Variants in SRRM4 observed in about 807,000 individuals in gnomAD.
SRRM4 encodes serine/arginine repetitive matrix 4.
A neutral mutation model predicts 68.9 loss-of-function variants in SRRM4; 33 were observed. The ratio of observed to expected loss-of-function variants is 0.48; its 90% confidence interval spans 0.36 to 0.64. SRRM4 has a LOEUF of 0.64. SRRM4 is among the 30% of genes least tolerant of loss of function. The pLI is 0.00. For missense variants in SRRM4, 817 were observed against 827.1 expected (o/e 0.99, Z 0.15); for synonymous variants, 318 against 318.8 (o/e 1.00, Z 0.03).
At chr12:118,982,680 TTTTTTTTTTTTTTTTC>T in intron 1 of SRRM4, among the ~76,000 whole-genome samples, 2 of 123,778 alleles carry the variant, frequency 1.6e-5, no homozygotes, top group South Asian at 2.6e-4. Context: ...TTTTTTTTTG[TTTTTTTTTTTTTTTTC>T]CAAAAAGAAT....
At chr12:119,116,506 C>A (rs1459763547) in intron 3 of SRRM4, among the ~76,000 whole-genome samples, 5 of 152,114 alleles carry the variant, frequency 3.3e-5, no homozygotes, top group Non-Finnish European at 7.4e-5. Context: ...ACCAGGCAGG[C>A]AGCTGTGAGG....
At chr12:119,148,377 G>C (rs1312532973) in intron 9 of SRRM4, among the ~76,000 whole-genome samples, 2 of 152,204 alleles carry the variant, frequency 1.3e-5, no homozygotes, top group African/African-American at 4.8e-5. Context: ...CAATGTCAGT[G>C]TCTCCAAGAA....
At chr12:118,986,011 G>A (rs953563032) in intron 1 of SRRM4, among the ~76,000 whole-genome samples, 1 of 152,084 alleles carries the variant, frequency 6.6e-6, no homozygotes, top group Admixed American at 6.5e-5. Context: ...TTTCTACGCA[G>A]AATAGACCAG....
At chr12:119,039,273 G>A (rs1245094675) in intron 1 of SRRM4, among the ~76,000 whole-genome samples, 1 of 152,176 alleles carries the variant, frequency 6.6e-6, no homozygotes, top group African/African-American at 2.4e-5. Flanking sequence ...CACCAAGAAA[G>A]CACCATGTAT....
intron 1 of SRRM4, among the ~76,000 whole-genome samples, chr12:119,012,785 T>G (rs572338299): frequency 6.6e-6 from 1 of 152,362 alleles, no homozygotes; most frequent in African/African-American, 2.4e-5. Flanking sequence ...ACTTCTCACT[T>G]GTGCATTTCC....
In SRRM4 at chr12:119,055,834, T is replaced by A. The variant is rs537528868; in HGVS notation, c.132-46402T>A. On this transcript the variant is annotated intron_variant, in intron 1 of 12. Transcript: ENST00000267260. Reference sequence around the variant, plus strand: ...CAACACAGAGGTTATGTCATAAAGTTGTTGGGAGGATATAAGGAGCTAACA... The same window carrying A: ...CAACACAGAGGTTATGTCATAAAGTAGTTGGGAGGATATAAGGAGCTAACA... Among the ~76,000 whole-genome samples, 16 of 152,308 alleles carry A rather than the reference T, an allele frequency of 1.1e-4. No individual in the cohort carries two copies. The East Asian group carries it at 3.1e-3, about 29-fold the overall frequency.
chr12:119,045,648 G>A (rs766928991), intron 1 of SRRM4, among the ~76,000 whole-genome samples: 124 of 152,070 alleles, frequency 8.2e-4, no homozygotes, highest in African/African-American at 2.0e-3. Flanking sequence ...CATCAGCACC[G>A]TGTGACTTTT....
At chr12:119,138,625 C>T (rs1954345675) in intron 8 of SRRM4, among the ~76,000 whole-genome samples, 2 of 152,168 alleles carry the variant, frequency 1.3e-5, no homozygotes, top group Admixed American at 1.3e-4. Context: ...GATTAAGCAT[C>T]CACTGCCCAC....
intron 1 of SRRM4, among the ~76,000 whole-genome samples, chr12:119,047,333 A>AT (rs558907202): frequency 2.6e-5 from 4 of 151,772 alleles, no homozygotes; most frequent in East Asian, 1.9e-4. Context: ...TAACTTTAAA[A>AT]TTTTTTTTTA....
intron 1 of SRRM4, among the ~76,000 whole-genome samples, chr12:118,987,012 G>T (rs1289481439): frequency 2.0e-5 from 3 of 152,124 alleles, no homozygotes; most frequent in Non-Finnish European, 4.4e-5. Context: ...TTAATTGCTT[G>T]TTCCTAAGAC....
chr12:119,006,129 G>A (rs1056397771), intron 1 of SRRM4, among the ~76,000 whole-genome samples: 3 of 152,198 alleles, frequency 2.0e-5, no homozygotes, highest in African/African-American at 7.2e-5. Flanking sequence ...TGGCCCATCT[G>A]TTCTGGGAGC....
In SRRM4 at chr12:118,981,776, T is replaced by A; in HGVS notation, c.-107T>A. ...CGATCTCTCCCACCCCACCCCTCTC[T>A]GGGTTTCACCCGGACAGAGCCGGGA... On this transcript the variant is annotated 5_prime_UTR_variant, in exon 1 of 13. Transcript: ENST00000267260. The A allele has an allele frequency of 4.4e-5, 53 of 1,217,056 alleles. No homozygotes were observed. Among genetic ancestry groups the A allele is most frequent in the Middle Eastern group, 6.2e-4 (2 of 3,208 alleles). 75.4% of individuals were successfully genotyped at this position (1,217,056 alleles called of 1,614,324 possible). A position where few individuals can be genotyped will look rare whatever the true frequency, so the allele number is the denominator to read the frequency against.
intron 1 of SRRM4, among the ~76,000 whole-genome samples, chr12:119,034,654 T>C (rs1021084277): frequency 6.6e-6 from 1 of 152,240 alleles, no homozygotes; most frequent in African/African-American, 2.4e-5. Context: ...TTTGAAGCTG[T>C]GCCATTCAAT....
At position 119,075,932 on chromosome 12, in the gene SRRM4, A is replaced by G. The variant is rs1348940910; in HGVS notation, c.132-26304A>G. 1.3e-3 allele frequency among the ~76,000 whole-genome samples: 170 copies of G among 131,984 alleles called. 1 individual carries two copies. Among genetic ancestry groups the G allele is most frequent in the African/African-American group, 4.9e-3 (161 of 33,124 alleles). 86.6% of individuals were successfully genotyped at this position (131,984 alleles called of 152,430 possible). On this transcript the variant is annotated intron_variant, in intron 1 of 12. Coordinates refer to ENST00000267260, the MANE Select transcript of SRRM4 (RefSeq NM_194286.4). ...GGTGATGATGATGATGATGGTGGTG[A>G]TGGTGATGATGATGGTGGTAATGAT...
rs1954436899 is a variant in SRRM4, at chr12:119,151,165, A to C, written c.1225A>C (p.Asn409His). The change falls in exon 10 of 13, where the codon AAT becomes CAT. Residue 409 changes from asparagine (N) to histidine (H), a missense_variant. Physicochemically the swap from Asn to His is moderately conservative, Grantham distance 68 (BLOSUM62 1). Transcript: ENST00000267260. Reference protein sequence around the residue: ...RSSSHSSRSPNPRASPRYTQS... With the variant: ...RSSSHSSRSPHPRASPRYTQS... Reference sequence around the variant, plus strand: ...CTCCAGTCACTCGTCCCGATCCCCAAATCCCAGGGCTTCCCCCAGGTACAC... The same window carrying C: ...CTCCAGTCACTCGTCCCGATCCCCACATCCCAGGGCTTCCCCCAGGTACAC... 6.2e-7 allele frequency: 1 copy of C among 1,613,918 alleles called. No homozygotes were observed. The highest frequency in any genetic ancestry group is 2.2e-5 in the East Asian group (1 of 44,864).
intron 1 of SRRM4, chr12:118,989,954 G>A (rs1419178420): frequency 6.6e-6 from 1 of 152,222 alleles, no homozygotes; most frequent in East Asian, 1.9e-4. Context: ...ATTTGGGCCT[G>A]AAGCGTGCAT....
At chr12:119,147,776 G>A (rs1398385130) in intron 9 of SRRM4, among the ~76,000 whole-genome samples, 2 of 152,142 alleles carry the variant, frequency 1.3e-5, no homozygotes, top group Non-Finnish European at 2.9e-5. Context: ...CTTCCACACA[G>A]ATGCATATGA....
At chr12:119,082,549 T>A (rs1296151513) in intron 1 of SRRM4, among the ~76,000 whole-genome samples, 1 of 152,234 alleles carries the variant, frequency 6.6e-6, no homozygotes, top group Non-Finnish European at 1.5e-5. Context: ...TGCATAAGGA[T>A]GCATTTGAAT....
intron 9 of SRRM4, among the ~76,000 whole-genome samples, chr12:119,147,202 G>A (rs917811296): frequency 2.0e-5 from 3 of 152,196 alleles, no homozygotes; most frequent in Non-Finnish European, 2.9e-5. Context: ...AGTGAAAGAA[G>A]CCAATGTGAA....
Sources: allele counts gnomAD v4.1 joint callset (sites outside exome capture counted in the v4.1 genomes callset), GRCh38; gene constraint gnomAD v4.1.1; transcripts MANE v1.5; gene names NCBI Gene and HGNC (gene_info 2026-07-23, HGNC 2026-07-21).